Variants in KCNQ1 observed in about 807,000 individuals in gnomAD.
The protein encoded by KCNQ1 is potassium voltage-gated channel subfamily Q member 1, also known as potassium voltage-gated channel subfamily KQT member 1.
In KCNQ1, 49 loss-of-function variants were observed where a neutral mutation model predicts 72.4. The ratio of observed to expected loss-of-function variants is 0.68; its 90% CI spans 0.54 to 0.86. KCNQ1 has a LOEUF of 0.86. Among genes scored for constraint, KCNQ1 ranks in the 40% least tolerant of loss-of-function variants. The probability of loss-of-function intolerance (pLI) is 0.00; values close to 1 mark genes in which losing one functional copy is unlikely to be tolerated. For missense variants in KCNQ1, 790 were observed against 945.1 expected (o/e 0.84, Z 2.15); for synonymous variants, 450 against 412.6 (o/e 1.09, Z -1.10).
intron 15 of KCNQ1, among the ~76,000 whole-genome samples, chr11:2,844,614 G>A (rs992062981): frequency 2.0e-5 from 3 of 152,304 alleles, no homozygotes; most frequent in African/African-American, 7.2e-5. Flanking sequence ...GGGAGGAGCT[G>A]TCACCAAAGT....
At chr11:2,810,354 T>A (rs1178719708) in intron 15 of KCNQ1, among the ~76,000 whole-genome samples, 1 of 152,266 alleles carries the variant, frequency 6.6e-6, no homozygotes, top group Admixed American at 6.5e-5. Flanking sequence ...TTTCTCATCA[T>A]GGAGGCCACC....
At chr11:2,583,153 C>T (rs1848529075) in intron 6 of KCNQ1, among the ~76,000 whole-genome samples, 1 of 152,136 alleles carries the variant, frequency 6.6e-6, no homozygotes, top group Non-Finnish European at 1.5e-5. Context: ...GGCGAGCTCC[C>T]AGGCCCACGT....
Position 2,491,144 on chromosome 11 carries a change from A to C in KCNQ1, c.387-36784A>C, listed in dbSNP as rs1846830947. ...AAGCTTTACCAAGAAAGATGGGTAC[A>C]AACAAGCCCAGACTGCAAAGGCTAC... On this transcript the variant is annotated intron_variant, in intron 1 of 15. Coordinates refer to ENST00000155840, the MANE Select transcript of KCNQ1 (RefSeq NM_000218.3). This position sits in a 1 kb window ranked among gnomAD's most constrained non-coding sequence, Gnocchi z 4.1. Among the ~76,000 whole-genome samples, 2 of 152,216 alleles carry C rather than the reference A, an allele frequency of 1.3e-5. No individual in the cohort carries two copies. The highest frequency in any genetic ancestry group is 4.8e-5 in the African/African-American group (2 of 41,450).
intron 11 of KCNQ1, chr11:2,667,683 C>A: frequency 2.5e-6 from 1 of 398,746 alleles, no homozygotes; most frequent in East Asian, 3.6e-5. Flanking sequence ...GAGGCTGAAG[C>A]ACGGAGGTGA....
rs1049477808 is a variant in KCNQ1, at chr11:2,610,862, G to C, written c.1393+22008G>C. 1.5e-5 allele frequency: 6 copies of C among 398,064 alleles called. No individual in the cohort carries two copies. The East Asian group carries it at 2.1e-4, about 14-fold the overall frequency. 24.7% of individuals were successfully genotyped at this position (398,064 alleles called of 1,614,324 possible). On this transcript the variant is annotated intron_variant, in intron 10 of 15. Coordinates refer to ENST00000155840, the MANE Select transcript of KCNQ1 (RefSeq NM_000218.3). ...AGAACAGGGGAGGGTATTAAGCAGA[G>C]TGCCACATAGCCTCACCTCCCACCA...
At chr11:2,739,559 G>A (rs536910849) in intron 11 of KCNQ1, among the ~76,000 whole-genome samples, 1 of 152,334 alleles carries the variant, frequency 6.6e-6, no homozygotes, top group East Asian at 1.9e-4. Context: ...TTCTAGAAAG[G>A]CTGAGGACTC....
chr11:2,474,456 C>G (rs939987985), intron 1 of KCNQ1, among the ~76,000 whole-genome samples: 1 of 152,180 alleles, frequency 6.6e-6, no homozygotes, highest in Non-Finnish European at 1.5e-5. Flanking sequence ...ACAGCAGCCG[C>G]CAGATGATGG....
intron 1 of KCNQ1, among the ~76,000 whole-genome samples, chr11:2,453,985 G>T (rs1442246499): frequency 6.6e-6 from 1 of 151,996 alleles, no homozygotes; most frequent in Non-Finnish European, 1.5e-5. Context: ...GGCAAGGGTG[G>T]TCTTGAAATC....
At chr11:2,557,060 A>G (rs961877888) in intron 2 of KCNQ1, among the ~76,000 whole-genome samples, 2 of 152,224 alleles carry the variant, frequency 1.3e-5, no homozygotes, top group African/African-American at 4.8e-5. Context: ...TAACAAATAC[A>G]TTGCTCAGCA....
In KCNQ1 at chr11:2,623,751, T is replaced by G; in HGVS notation, c.1393+34897T>G. On this transcript the variant is annotated intron_variant, in intron 10 of 15. Transcript: ENST00000155840. This position sits in a 1 kb window ranked among gnomAD's most constrained non-coding sequence, Gnocchi z 5.2. ...AAACATCTCTGTGCAGATTTTTATG[T>G]GAATATAAGTCTTCACCTCCTTTGA... 1 of 398,580 alleles carries G rather than the reference T, an allele frequency of 2.5e-6. No homozygotes were observed. The highest frequency in any genetic ancestry group is 6.3e-4 in the Middle Eastern group (1 of 1,588). 24.7% of individuals were successfully genotyped at this position (398,580 alleles called of 1,614,324 possible).
At position 2,710,816 on chromosome 11, in the gene KCNQ1, A is replaced by G. The variant is rs1415143644; in HGVS notation, c.1514+48735A>G. Among the ~76,000 whole-genome samples the G allele has an allele frequency of 6.6e-6, 1 of 152,150 alleles. No individual in the cohort carries two copies. Among genetic ancestry groups the G allele is most frequent in the Non-Finnish European group, 1.5e-5 (1 of 68,020 alleles). On this transcript the variant is annotated intron_variant, in intron 11 of 15. Coordinates refer to ENST00000155840, the MANE Select transcript of KCNQ1 (RefSeq NM_000218.3). The surrounding 1 kb of genome is among the most constrained non-coding windows in gnomAD (Gnocchi z 4.1). ...ATGAAGGTTTATTTCTGGATTCTCA[A>G]TTTTATTCTATTGATTTGTTTGTCT...
chr11:2,534,014 G>T (rs1008847873), intron 2 of KCNQ1, among the ~76,000 whole-genome samples: 4 of 146,206 alleles, frequency 2.7e-5, no homozygotes, highest in Non-Finnish European at 4.5e-5. Flanking sequence ...CCTCCGCCCC[G>T]CCCGGTGGCC....
In KCNQ1 at chr11:2,620,383, A is replaced by AT. The variant is rs1319689836; in HGVS notation, c.1393+31533dup. The AT allele has an allele frequency of 4.7e-6, 1 of 211,736 alleles. No homozygotes were observed. The highest frequency in any genetic ancestry group is 9.2e-6 in the Non-Finnish European group (1 of 108,896). The allele number at this position is 211,736 out of a possible 1,614,324, so 13.1% of individuals were successfully genotyped here. ...AGGCATGCGCCACCACGTCCAGCTAATTTTGTAGTTTTAGTAGAGACAGGG... is the reference window on the plus strand; with the variant it reads ...AGGCATGCGCCACCACGTCCAGCTAATTTTTGTAGTTTTAGTAGAGACAGGG... On this transcript the variant is annotated intron_variant, in intron 10 of 15. Transcript: ENST00000155840. The surrounding 1 kb of genome is among the most constrained non-coding windows in gnomAD (Gnocchi z 4.5).
At chr11:2,485,083 C>T (rs1269861328) in intron 1 of KCNQ1, among the ~76,000 whole-genome samples, 6 of 152,180 alleles carry the variant, frequency 3.9e-5, no homozygotes, top group African/African-American at 7.2e-5. Context: ...TCACTGCGTC[C>T]CATCAGTGCT....
intron 11 of KCNQ1, among the ~76,000 whole-genome samples, chr11:2,717,636 A>G (rs1266835617): frequency 6.6e-6 from 1 of 152,188 alleles, no homozygotes; most frequent in African/African-American, 2.4e-5. Context: ...CCCCATATTC[A>G]GGAAAGTTCC....
chr11:2,576,524 G>A (rs1848425940), intron 6 of KCNQ1, among the ~76,000 whole-genome samples: 1 of 152,246 alleles, frequency 6.6e-6, no homozygotes. Flanking sequence ...CTGCCGGGCT[G>A]TGTTTGCCCC....
chr11:2,496,398 C>G (rs530164592), intron 1 of KCNQ1, among the ~76,000 whole-genome samples: 1 of 150,896 alleles, frequency 6.6e-6, no homozygotes, highest in Non-Finnish European at 1.5e-5. Flanking sequence ...GATAGCGCCA[C>G]TGCAGTCTGG....
In KCNQ1 at chr11:2,477,555, T is replaced by A. The variant is rs942042290; in HGVS notation, c.386+32071T>A. 6.6e-6 allele frequency among the ~76,000 whole-genome samples: 1 copy of A among 151,850 alleles called. No homozygotes were observed. ...CCAGTGATATGTACACAGAGAGCAA[T>A]GAAAATCCTCATTATGATGGCAGAC... On this transcript the variant is annotated intron_variant, in intron 1 of 15. Transcript: ENST00000155840. The surrounding 1 kb of genome is among the most constrained non-coding windows in gnomAD (Gnocchi z 5.0).
At chr11:2,844,674 T>A (rs1431300878) in intron 15 of KCNQ1, among the ~76,000 whole-genome samples, 1 of 152,244 alleles carries the variant, frequency 6.6e-6, no homozygotes, top group Admixed American at 6.5e-5. Flanking sequence ...CTGCACTGCC[T>A]GCCTGCGGCC....
Sources: allele counts gnomAD v4.1 joint callset (sites outside exome capture counted in the v4.1 genomes callset), GRCh38; gene constraint gnomAD v4.1.1; non-coding constraint Gnocchi (gnomAD v3.1); transcripts MANE v1.5; gene names NCBI Gene and HGNC (gene_info 2026-07-23, HGNC 2026-07-21).